Variants in ERCC6L2 observed in about 807,000 individuals in gnomAD.
ERCC6L2 encodes ERCC excision repair 6 like 2.
ERCC6L2 carries 77 observed loss-of-function variants against 132.0 expected under a neutral mutation model. That is an observed-to-expected ratio of 0.58 (90% confidence interval 0.49 to 0.71). The LOEUF is 0.71. Ranked by LOEUF, ERCC6L2 falls within the 30% of genes least tolerant of loss-of-function variation. The pLI is 0.00. For missense variants in ERCC6L2, 1,542 were observed against 1,837.6 expected, an observed-to-expected ratio of 0.84 and a Z score of 2.94; for synonymous variants, 583 against 632.4, an observed-to-expected ratio of 0.92 and a Z score of 1.17.
At chr9:95,975,842 T>G (rs571329965) in intron 16 of ERCC6L2, among the ~76,000 whole-genome samples, 1 of 152,172 alleles carries the variant, frequency 6.6e-6, no homozygotes, top group Non-Finnish European at 1.5e-5. Context: ...TTCCCACTTA[T>G]GTTCCTTCTA....
chr9:95,892,256 T>C (rs1354716425), intron 2 of ERCC6L2, among the ~76,000 whole-genome samples: 1 of 152,106 alleles, frequency 6.6e-6, no homozygotes, highest in Admixed American at 6.5e-5. Flanking sequence ...GATTATATGT[T>C]CTGTAACTTA....
At chr9:96,027,178 AC>A (rs1431568190) in intron 19 of ERCC6L2, among the ~76,000 whole-genome samples, 1 of 108,880 alleles carries the variant, frequency 9.2e-6, no homozygotes. Flanking sequence ...ACACACACAC[AC>A]CACACACCAC....
At chr9:95,954,636 C>T (rs1831508107) in intron 12 of ERCC6L2, 1 of 378,288 alleles carries the variant, frequency 2.6e-6, no homozygotes, top group Non-Finnish European at 5.4e-6. Flanking sequence ...AAAGGATGTG[C>T]ATCCTAATGG....
intron 11 of ERCC6L2, among the ~76,000 whole-genome samples, chr9:95,935,622 G>A (rs1830520578): frequency 6.6e-6 from 1 of 152,176 alleles, no homozygotes; most frequent in Non-Finnish European, 1.5e-5. Flanking sequence ...ACACCTGAAG[G>A]ACAAGGAAAA....
At chr9:95,878,071 A>G (rs1827385054) in intron 1 of ERCC6L2, among the ~76,000 whole-genome samples, 2 of 152,228 alleles carry the variant, frequency 1.3e-5, no homozygotes, top group South Asian at 4.1e-4. Flanking sequence ...GAGCAGAGAG[A>G]CTGGTTAGGC....
At chr9:95,958,487 TC>T (rs1432532298) in intron 13 of ERCC6L2, among the ~76,000 whole-genome samples, 24 of 152,302 alleles carry the variant, frequency 1.6e-4, no homozygotes, top group African/African-American at 5.8e-4. Flanking sequence ...GTAAAAGTGT[TC>T]CTGTTTTTCC....
chr9:95,895,987 A>C (rs958658296), intron 2 of ERCC6L2, among the ~76,000 whole-genome samples: 1 of 152,138 alleles, frequency 6.6e-6, no homozygotes, highest in Admixed American at 6.5e-5. Flanking sequence ...TGGCCTCCCA[A>C]AGTGCTGGGA....
At chr9:95,931,816 A>G (rs1273751344) in intron 11 of ERCC6L2, among the ~76,000 whole-genome samples, 1 of 151,836 alleles carries the variant, frequency 6.6e-6, no homozygotes, top group South Asian at 2.1e-4. Flanking sequence ...TGTGCTGGGT[A>G]CAGTAGGCTT....
At chr9:95,975,785 T>C (rs1832643737) in intron 16 of ERCC6L2, among the ~76,000 whole-genome samples, 1 of 152,120 alleles carries the variant, frequency 6.6e-6, no homozygotes, top group Non-Finnish European at 1.5e-5. Context: ...TGTTTTGCTT[T>C]TTTAAAATGT....
At chr9:95,926,523 G>C (rs1388202464) in intron 9 of ERCC6L2, among the ~76,000 whole-genome samples, 1 of 152,106 alleles carries the variant, frequency 6.6e-6, no homozygotes, top group Non-Finnish European at 1.5e-5. Context: ...AAGGAAACCA[G>C]TCTGAAAAGG....
At chr9:95,904,889 G>C (rs1323341918) in intron 3 of ERCC6L2, 1 of 152,096 alleles carries the variant, frequency 6.6e-6, no homozygotes, top group East Asian at 1.9e-4. Flanking sequence ...CCTAGCTTCT[G>C]TTAATTTTAA....
At chr9:95,989,449 G>GACC (rs1429155003) in intron 17 of ERCC6L2, among the ~76,000 whole-genome samples, 3 of 152,196 alleles carry the variant, frequency 2.0e-5, no homozygotes, top group Non-Finnish European at 4.4e-5. Context: ...CTGGGACAAA[G>GACC]ACCAAATATC....
intron 17 of ERCC6L2, among the ~76,000 whole-genome samples, chr9:95,991,119 T>A (rs1833284319): frequency 6.6e-6 from 1 of 151,798 alleles, no homozygotes; most frequent in South Asian, 2.1e-4. Flanking sequence ...AAGTCTTTTA[T>A]GGGCCCAGGA....
At chr9:96,039,612 G>A (rs1313992982) in intron 20 of ERCC6L2, among the ~76,000 whole-genome samples, 1 of 152,134 alleles carries the variant, frequency 6.6e-6, no homozygotes, top group Non-Finnish European at 1.5e-5. Context: ...ACTTACGGGG[G>A]AGTGGTGGGG....
Position 95,973,020 on chromosome 9 carries a change from C to CAATGA in ERCC6L2, c.3274_3278dup (p.Cys1093Ter). The CAATGA allele has an allele frequency of 7.3e-7, 1 of 1,361,680 alleles. No individual in the cohort carries two copies. The highest frequency in any genetic ancestry group is 9.8e-7 in the Non-Finnish European group (1 of 1,019,470). 84.3% of individuals were successfully genotyped at this position (1,361,680 alleles called of 1,614,324 possible). A position where few individuals can be genotyped will look rare whatever the true frequency, so the allele number is the denominator to read the frequency against. On this transcript the variant is annotated frameshift_variant, in exon 16 of 19. Transcript: ENST00000653738. LOFTEE classifies it high-confidence loss of function. ...AATAGCACTTTTATTCCAAGAAAAC[C>CAATGA]AATGAAATGTTCAAATGAGAAAGTT...
chr9:95,982,707 A>ATG (rs1175764099), intron 17 of ERCC6L2, among the ~76,000 whole-genome samples: 3 of 148,796 alleles, frequency 2.0e-5, no homozygotes, highest in Admixed American at 6.8e-5. Context: ...ATTTTAAAAT[A>ATG]TGTGTATATA....
At chr9:95,932,909 G>A (rs1406913066) in intron 11 of ERCC6L2, among the ~76,000 whole-genome samples, 1 of 152,164 alleles carries the variant, frequency 6.6e-6, no homozygotes, top group Admixed American at 6.5e-5. Context: ...ACCCTTTGCT[G>A]TTAACCATGT....
At chr9:95,907,857 C>CACACA in intron 4 of ERCC6L2, among the ~76,000 whole-genome samples, 114 of 133,814 alleles carry the variant, frequency 8.5e-4, no homozygotes, top group African/African-American at 2.7e-3. Context: ...ACACACACAC[C>CACACA]CCCACACCCA....
chr9:95,877,175 A>G (rs1165665694), intron 1 of ERCC6L2: 1 of 152,182 alleles, frequency 6.6e-6, no homozygotes, highest in Non-Finnish European at 1.5e-5. Context: ...CACTTAACCC[A>G]TTTCCCTGTT....
Sources: gnomAD v4.1 joint callset for allele counts (sites outside exome capture counted in the v4.1 genomes callset) on GRCh38, gnomAD v4.1.1 for gene constraint, MANE v1.5 for transcripts, NCBI Gene and HGNC (gene_info 2026-07-23, HGNC 2026-07-21) for gene names.